WDR47: variants seen among roughly 807,000 people sequenced by gnomAD.
WDR47 encodes the protein WD repeat-containing protein 47.
A neutral mutation model predicts 97.2 loss-of-function variants in WDR47; 32 were observed. The observed-to-expected ratio is 0.33, with a 90% CI of 0.25 to 0.44. The LOEUF is 0.44. Ranked by LOEUF, WDR47 falls within the 20% of genes least tolerant of loss-of-function variation. The pLI is 1.00. For synonymous variants in WDR47, 375 were observed against 373.5 expected, an observed-to-expected ratio of 1.00 and a Z score of -0.05; for missense variants, 782 against 1,102.3, an observed-to-expected ratio of 0.71 and a Z score of 4.11.
chr1:108,982,782 G>A lies in WDR47; in HGVS notation c.2096-3C>T, dbSNP rs758232508. ...CATACTAAATTCCAGATCTGGTCCT[G>A]AAACAGTAGTAAGAATTAAAAAAAA... On this transcript the variant is annotated splice_region_variant and splice_polypyrimidine_tract_variant and intron_variant, in intron 11 of 14. Transcript: ENST00000369962. 3.8e-6 allele frequency: 6 copies of A among 1,593,596 alleles called. No homozygotes were observed. Among genetic ancestry groups the A allele is most frequent in the Middle Eastern group, 1.7e-4 (1 of 5,926 alleles).
chr1:109,014,645 G>C (rs1661288788), intron 3 of WDR47, among the ~76,000 whole-genome samples: 1 of 151,606 alleles, frequency 6.6e-6, no homozygotes, highest in Non-Finnish European at 1.5e-5. Context: ...TTGTTGCTCA[G>C]ACTGATCTCA....
chr1:109,027,100 G>A (rs1005659487), intron 1 of WDR47, among the ~76,000 whole-genome samples: 7 of 151,700 alleles, frequency 4.6e-5, no homozygotes, highest in African/African-American at 9.7e-5. Flanking sequence ...TCTGTTGCCC[G>A]GGCTGGAGTG....
Position 108,991,281 on chromosome 1 carries a change from C to T in WDR47, c.1740G>A (p.Gly580=). 6.2e-7 allele frequency: 1 copy of T among 1,613,160 alleles called. No individual in the cohort carries two copies. The highest frequency in any genetic ancestry group is 1.3e-5 in the African/African-American group (1 of 75,016). Residue 580 remains glycine, a synonymous_variant, in exon 9 of 15, where the codon GGG becomes GGA. Coordinates refer to ENST00000369962, the MANE Select transcript of WDR47 (RefSeq NM_001142551.2). ...CTTCCCCTTTCGACCTTGAAAGACT[C>T]CCTGGAGAATCTCCAAGAGGTGGCT... is the stretch of plus-strand genomic sequence containing the variant. ...VIKPPLGDSP[G]SLSRSKGEED... is the part of the protein sequence containing the mutation.
intron 14 of WDR47, among the ~76,000 whole-genome samples, chr1:108,973,578 C>T (rs558542909): frequency 4.6e-5 from 7 of 152,220 alleles, no homozygotes; most frequent in Admixed American, 4.6e-4. Flanking sequence ...AATAACAGTA[C>T]ACAAATCCAT....
chr1:108,990,970 T>A (rs775985758), intron 9 of WDR47, among the ~76,000 whole-genome samples: 6 of 151,948 alleles, frequency 3.9e-5, no homozygotes, highest in Non-Finnish European at 8.8e-5. Context: ...AATACCAACA[T>A]TAGCAGTAAA....
intron 2 of WDR47, among the ~76,000 whole-genome samples, chr1:109,021,832 TA>T (rs1661871264): frequency 6.6e-6 from 1 of 151,848 alleles, no homozygotes; most frequent in Non-Finnish European, 1.5e-5. Context: ...TGGCCTTTTT[TA>T]ATTTATTATT....
intron 1 of WDR47, chr1:109,030,451 AG>A: frequency 3.1e-6 from 1 of 318,808 alleles, no homozygotes; most frequent in Non-Finnish European, 5.5e-6. Context: ...CACATTATGA[AG>A]GAAAAAAAAC....
chr1:109,021,563 T>G (rs2101990539), intron 2 of WDR47, among the ~76,000 whole-genome samples: 2 of 150,596 alleles, frequency 1.3e-5, no homozygotes, highest in Middle Eastern at 7.1e-3. Context: ...TATAAAATGT[T>G]CTGTAGAGCA....
chr1:108,999,255 G>A (rs954452784), intron 7 of WDR47, among the ~76,000 whole-genome samples: 1 of 151,460 alleles, frequency 6.6e-6, no homozygotes, highest in East Asian at 1.9e-4. Context: ...ATATTAAAGG[G>A]TTAGAACAGA....
intron 4 of WDR47, among the ~76,000 whole-genome samples, chr1:109,012,237 C>T (rs1216435010): frequency 6.6e-6 from 1 of 152,102 alleles, no homozygotes; most frequent in Non-Finnish European, 1.5e-5. Context: ...AAAAGAGCCA[C>T]TCTGTTAGTC....
chr1:108,984,795 T>A (rs1025535977), intron 10 of WDR47, among the ~76,000 whole-genome samples: 6 of 152,144 alleles, frequency 3.9e-5, no homozygotes, highest in Non-Finnish European at 8.8e-5. Context: ...GGAGAATCAC[T>A]TGAACCCAGG....
chr1:109,034,925 GGA>G (rs1211412502), intron 1 of WDR47, among the ~76,000 whole-genome samples: 3 of 152,098 alleles, frequency 2.0e-5, no homozygotes, highest in Non-Finnish European at 4.4e-5. Flanking sequence ...TTATTTAAAA[GGA>G]GAGAGGCATA....
intron 1 of WDR47, among the ~76,000 whole-genome samples, chr1:109,029,235 T>C (rs1662441900): frequency 6.6e-6 from 1 of 152,112 alleles, no homozygotes; most frequent in Admixed American, 6.6e-5. Flanking sequence ...TAATAATACA[T>C]AAGAAACTGC....
chr1:109,017,621 A>C lies in WDR47; in HGVS notation c.159-20T>G. On this transcript the variant is annotated intron_variant, in intron 2 of 14. Transcript: ENST00000369962. ...AGCTGCCTAAATAAAAAATTTAAAA[A>C]AACCAGCATGTCACCAAATTCAGGT... 1 of 1,593,112 alleles carries C rather than the reference A, an allele frequency of 6.3e-7. No individual in the cohort carries two copies. Among genetic ancestry groups the C allele is most frequent in the Non-Finnish European group, 8.5e-7 (1 of 1,170,984 alleles).
intron 14 of WDR47, among the ~76,000 whole-genome samples, chr1:108,972,181 C>G (rs1264054421): frequency 6.6e-6 from 1 of 152,024 alleles, no homozygotes; most frequent in African/African-American, 2.4e-5. Flanking sequence ...CATCTGGTTG[C>G]TCATGACAAA....
rs1211166388 is a variant in WDR47 at position 109,018,171 on chromosome 1, AGGCGTGGT to A, written c.159-578_159-571del. ...CCTATGTAAAAACATTGGACATGCC[AGGCGTGGT>A]GGCTCACACCTGTAATCCCAGCACT... On this transcript the variant is annotated intron_variant, in intron 2 of 14. Transcript: ENST00000369962. Among the ~76,000 whole-genome samples the A allele has an allele frequency of 7.9e-5, 12 of 152,194 alleles. 1 individual carries two copies. The highest frequency in any genetic ancestry group is 2.9e-4 in the African/African-American group (12 of 41,544).
At chr1:109,018,785 GC>G (rs1371134115) in intron 2 of WDR47, among the ~76,000 whole-genome samples, 2 of 152,046 alleles carry the variant, frequency 1.3e-5, no homozygotes, top group Non-Finnish European at 2.9e-5. Flanking sequence ...CTGCACTCCA[GC>G]CTGGGCAACA....
intron 2 of WDR47, among the ~76,000 whole-genome samples, chr1:109,022,059 T>C (rs921588015): frequency 6.6e-6 from 1 of 151,628 alleles, no homozygotes; most frequent in African/African-American, 2.4e-5. Context: ...CGTTGGCCAG[T>C]CTGGTCTCAA....
intron 13 of WDR47, among the ~76,000 whole-genome samples, chr1:108,976,833 T>C (rs902383903): frequency 6.6e-6 from 1 of 152,050 alleles, no homozygotes; most frequent in Non-Finnish European, 1.5e-5. Context: ...TGGGAGGAGC[T>C]TGGCATGTTC....
Sources: allele counts gnomAD v4.1 joint callset (sites outside exome capture counted in the v4.1 genomes callset), GRCh38; gene constraint gnomAD v4.1.1; transcripts MANE v1.5; gene names NCBI Gene and HGNC (gene_info 2026-07-23, HGNC 2026-07-21).